TF: variants seen among roughly 807,000 people sequenced by gnomAD.
The protein encoded by TF is transferrin, also known as serotransferrin.
TF carries 55 observed loss-of-function variants against 82.4 expected under a neutral mutation model. The observed-to-expected ratio is 0.67, with a 90% CI of 0.54 to 0.84. The LOEUF (loss-of-function observed/expected upper bound fraction) is 0.84. Ranked by LOEUF, TF falls within the 40% of genes least tolerant of loss-of-function variation. TF has a pLI of 0.00. For missense variants in TF, 737 were observed against 868.4 expected (o/e 0.85, Z 1.90); for synonymous variants, 332 against 332.6 (o/e 1.00, Z 0.02).
the TF span, among the ~76,000 whole-genome samples, chr3:133,665,958 C>T: frequency 0.14 from 19,405 of 138,706 alleles, 1,702 homozygotes; most frequent in Non-Finnish European, 0.2. Context: ...AAAAAAAGAA[C>T]GGGAAAGAAA....
chr3:133,733,860 TAAA>T, the TF span, among the ~76,000 whole-genome samples: 1 of 14,698 alleles, frequency 6.8e-5, no homozygotes, highest in African/African-American at 1.9e-4. Flanking sequence ...TTTCCTTCCT[TAAA>T]AAACAAAAAA....
rs115236754 is a variant in TF at position 133,763,700 on chromosome 3, T to G, written c.1204-482T>G. Among the ~76,000 whole-genome samples, 430 of 152,358 alleles carry G rather than the reference T, an allele frequency of 2.8e-3. 1 individual carries two copies. The highest frequency in any genetic ancestry group is 9.2e-3 in the African/African-American group (384 of 41,576). The stretch of plus-strand genomic sequence containing the variant: ...CTGAGATTTAGAACATTTGAAAATA[T>G]TTGACTCATTCATTAAACATGTTGT... On this transcript the variant is annotated intron_variant, in intron 9 of 16. Coordinates refer to ENST00000402696, the MANE Select transcript of TF (RefSeq NM_001063.4).
chr3:133,737,795 A>T, the TF span, among the ~76,000 whole-genome samples: 1 of 152,208 alleles, frequency 6.6e-6, no homozygotes, highest in Non-Finnish European at 1.5e-5. Context: ...GACCAATAAC[A>T]AGTTCTGAAA....
chr3:133,777,664 G>A (rs537841914), intron 16 of TF: 1 of 191,556 alleles, frequency 5.2e-6, no homozygotes, highest in South Asian at 1.1e-4. Flanking sequence ...TGCATTTCAA[G>A]TGCTCAACAG....
the TF span, among the ~76,000 whole-genome samples, chr3:133,738,294 G>T: frequency 1.3e-5 from 2 of 152,126 alleles, no homozygotes; most frequent in Non-Finnish European, 2.9e-5. Context: ...AATAAACTAG[G>T]TATTGATGGA....
At chr3:133,765,342 G>A (rs562469786) in intron 11 of TF, among the ~76,000 whole-genome samples, 137 of 152,310 alleles carry the variant, frequency 9.0e-4, no homozygotes, top group African/African-American at 3.1e-3. Context: ...GCCTCACACA[G>A]GCAGATATCA....
At chr3:133,729,067 G>T in the TF span, among the ~76,000 whole-genome samples, 1 of 152,138 alleles carries the variant, frequency 6.6e-6, no homozygotes. Flanking sequence ...TGCCCCTACT[G>T]GGGGGTGCCT....
intron 5 of TF, chr3:133,755,909 G>A: frequency 2.3e-6 from 1 of 429,712 alleles, no homozygotes; most frequent in Non-Finnish European, 4.2e-6. Flanking sequence ...CTCTATCTGG[G>A]AAGCTGATTT....
At chr3:133,768,267 G>A (rs1024610709) in intron 13 of TF, 103 bp downstream of exon 13, 29 of 1,457,610 alleles carry the variant, frequency 2.0e-5, no homozygotes, top group South Asian at 1.9e-4. Context: ...CCATTAGTGC[G>A]GCATGTATTA....
the TF span, among the ~76,000 whole-genome samples, chr3:133,687,728 G>A: frequency 6.6e-6 from 1 of 152,096 alleles, no homozygotes; most frequent in Non-Finnish European, 1.5e-5. Context: ...TGGAGTTTTC[G>A]AGGTTCATTT....
At chr3:133,676,078 T>C in the TF span, among the ~76,000 whole-genome samples, 2 of 150,768 alleles carry the variant, frequency 1.3e-5, no homozygotes, top group African/African-American at 4.9e-5. Flanking sequence ...ACCAGAAGGG[T>C]TTTTCTCGCC....
the TF span, among the ~76,000 whole-genome samples, chr3:133,740,927 T>TA: frequency 1.8e-5 from 2 of 110,154 alleles, no homozygotes; most frequent in African/African-American, 3.7e-5. Flanking sequence ...TTTTTTTTTT[T>TA]AATTTGAGTA....
At chr3:133,750,861 C>T (rs1933643644) in intron 2 of TF, among the ~76,000 whole-genome samples, 1 of 152,074 alleles carries the variant, frequency 6.6e-6, no homozygotes, top group South Asian at 2.1e-4. Context: ...ACACATGTGC[C>T]ATGTTGGTGT....
At chr3:133,724,150 T>C in the TF span, among the ~76,000 whole-genome samples, 2 of 152,228 alleles carry the variant, frequency 1.3e-5, no homozygotes, top group Admixed American at 6.5e-5. Flanking sequence ...GCATGATTTA[T>C]AGTCCTTTGG....
In TF at chr3:133,756,936, C is replaced by G; in HGVS notation, c.797C>G (p.Pro266Arg). The change falls in exon 7 of 17, where the codon CCT becomes CGT. Residue 266 changes from proline to arginine, a missense_variant. Physicochemically the swap from Pro to Arg is moderately radical, Grantham distance 103. Coordinates refer to ENST00000402696, the MANE Select transcript of TF (RefSeq NM_001063.4). Reference protein sequence around the residue: ...EYKDCHLAQVPSHTVVARSMG... With the variant: ...EYKDCHLAQVRSHTVVARSMG... ...AAGGACTGCCACTTGGCCCAGGTCCCTTCTCATACCGTCGTGGCCCGAAGT... is the reference window on the plus strand; with the variant it reads ...AAGGACTGCCACTTGGCCCAGGTCCGTTCTCATACCGTCGTGGCCCGAAGT... 1 of 1,614,166 alleles carries G rather than the reference C, an allele frequency of 6.2e-7. No homozygotes were observed. Among genetic ancestry groups the G allele is most frequent in the Middle Eastern group, 1.6e-4 (1 of 6,062 alleles).
At chr3:133,753,877 G>A in intron 3 of TF, 174 bp downstream of exon 3, 1 of 688,030 alleles carries the variant, frequency 1.5e-6, no homozygotes, top group Non-Finnish European at 2.6e-6. Context: ...GGCCTCTGGG[G>A]GCTTTGGGCT....
At chr3:133,774,620 A>ATAAGAC (rs1357033709) in intron 14 of TF, 1 of 157,004 alleles carries the variant, frequency 6.4e-6, no homozygotes, top group Non-Finnish European at 1.4e-5. Context: ...GACTAGCACT[A>ATAAGAC]TAAGACTGAG....
Position 133,754,652 on chromosome 3 carries a change from A to G in TF, c.483A>G (p.Pro161=). 6.2e-7 allele frequency: 1 copy of G among 1,614,216 alleles called. No individual in the cohort carries two copies. The highest frequency in any genetic ancestry group is 1.7e-4 in the Middle Eastern group (1 of 6,058). The change falls in exon 4 of 17, where the codon CCA becomes CCG. Residue 161 remains proline (P), a synonymous_variant. Transcript: ENST00000402696. The part of the protein sequence containing the change: ...IGLLYCDLPE[P]RKPLEKAVAN... ...TACTTTACTGTGACTTACCTGAGCC[A>G]CGTAAACCTCTTGAGAAAGGTAAGC...
the TF span, among the ~76,000 whole-genome samples, chr3:133,688,963 A>G: frequency 6.6e-6 from 1 of 152,250 alleles, no homozygotes. Context: ...TATCTCATTT[A>G]CATTTAAAAT....
Sources: allele counts gnomAD v4.1 joint callset (sites outside exome capture counted in the v4.1 genomes callset), GRCh38; gene constraint gnomAD v4.1.1; transcripts MANE v1.5; gene names NCBI Gene and HGNC (gene_info 2026-07-23, HGNC 2026-07-21).